Variants in ZNF536 observed in about 807,000 individuals in gnomAD.
The protein encoded by ZNF536 is zinc finger protein 536.
In ZNF536, 13 loss-of-function variants were observed where a neutral mutation model predicts 84.5. That is an observed-to-expected ratio of 0.15 (90% CI 0.10 to 0.24). The LOEUF (loss-of-function observed/expected upper bound fraction) is 0.24, where lower values mean the gene tolerates loss of function less well. ZNF536 is among the 10% of genes least tolerant of loss of function. The probability of loss-of-function intolerance (pLI) is 1.00; values close to 1 mark genes in which losing one functional copy is unlikely to be tolerated. For synonymous variants in ZNF536, 811 were observed against 742.5 expected, an observed-to-expected ratio of 1.09 and a Z score of -1.50; for missense variants, 1,536 against 1,747.5, an observed-to-expected ratio of 0.88 and a Z score of 2.16.
chr19:30,685,885 C>A (rs534002546), intron 1 of ZNF536, among the ~76,000 whole-genome samples: 2 of 152,126 alleles, frequency 1.3e-5, no homozygotes, highest in Non-Finnish European at 2.9e-5. Flanking sequence ...TTTCTTTGTT[C>A]GGAAGACAGG....
rs544531913 is a variant in ZNF536, at chr19:30,525,522, G to T, written c.2171-9325G>T. On this transcript the variant is annotated intron_variant, in intron 2 of 4. Transcript: ENST00000355537. Reference sequence around the variant, plus strand: ...CGGCAGGCCATAGTGCCTGGCCCCTGTTCTCCTGGAGCTGACATTCTAGGA... The same window carrying T: ...CGGCAGGCCATAGTGCCTGGCCCCTTTTCTCCTGGAGCTGACATTCTAGGA... Among the ~76,000 whole-genome samples, 41 of 152,330 alleles carry T rather than the reference G, an allele frequency of 2.7e-4. No homozygotes were observed. The South Asian group carries it at 3.9e-3, about 15-fold the overall frequency.
intron 1 of ZNF536, among the ~76,000 whole-genome samples, chr19:30,231,320 G>C (rs1310453381): frequency 3.3e-5 from 5 of 152,250 alleles, no homozygotes; most frequent in Non-Finnish European, 7.3e-5. Context: ...TGGAAGGACA[G>C]GGGTGGTCAG....
chr19:30,610,293 G>C (rs2048059093), intron 1 of ZNF536, among the ~76,000 whole-genome samples: 1 of 152,240 alleles, frequency 6.6e-6, no homozygotes, highest in Admixed American at 6.5e-5. Flanking sequence ...GGACAGGATA[G>C]GGTGTGACGG....
intron 2 of ZNF536, among the ~76,000 whole-genome samples, chr19:30,467,309 T>C (rs1222127203): frequency 6.6e-6 from 1 of 152,212 alleles, no homozygotes; most frequent in Non-Finnish European, 1.5e-5. Context: ...ACCACCCTTC[T>C]ACTTTCCATG....
intron 1 of ZNF536, among the ~76,000 whole-genome samples, chr19:30,706,968 G>A (rs918315863): frequency 2.2e-4 from 33 of 152,182 alleles, no homozygotes; most frequent in Non-Finnish European, 4.4e-5. Context: ...TGTTTGGGAT[G>A]ACCTTCAATT....
chr19:30,485,457 G>A (rs1406439624), intron 2 of ZNF536, among the ~76,000 whole-genome samples: 1 of 152,110 alleles, frequency 6.6e-6, no homozygotes, highest in Non-Finnish European at 1.5e-5. Flanking sequence ...GCAACTCCCA[G>A]CCCAAGACAA....
At chr19:30,393,217 C>A (rs1252948585) in intron 1 of ZNF536, among the ~76,000 whole-genome samples, 1 of 151,968 alleles carries the variant, frequency 6.6e-6, no homozygotes, top group African/African-American at 2.4e-5. Context: ...CAGTTTAATG[C>A]GGTAGGATGG....
At chr19:30,437,702 T>TG (rs906623584) in intron 1 of ZNF536, among the ~76,000 whole-genome samples, 18 of 151,980 alleles carry the variant, frequency 1.2e-4, no homozygotes, top group East Asian at 1.9e-4. Flanking sequence ...AGGTCAGGAC[T>TG]GGGGGGGAAT....
At chr19:30,523,729 C>A (rs1298684670) in intron 2 of ZNF536, among the ~76,000 whole-genome samples, 5 of 152,108 alleles carry the variant, frequency 3.3e-5, no homozygotes, top group Non-Finnish European at 7.4e-5. Flanking sequence ...GGCACCCTTC[C>A]CCTGTGCTGG....
chr19:30,663,388 A>T (rs943599983), intron 1 of ZNF536, among the ~76,000 whole-genome samples: 3 of 152,218 alleles, frequency 2.0e-5, no homozygotes, highest in African/African-American at 7.2e-5. Flanking sequence ...AGGATATGGT[A>T]TATGCATACA....
chr19:30,356,701 A>G (rs1412539109), intron 3 of ZNF536, among the ~76,000 whole-genome samples: 1 of 152,246 alleles, frequency 6.6e-6, no homozygotes, highest in East Asian at 1.9e-4. Flanking sequence ...AACCAAAATC[A>G]GAGATAATTT....
chr19:30,603,101 G>A (rs2146951242), intron 1 of ZNF536, among the ~76,000 whole-genome samples: 1 of 152,286 alleles, frequency 6.6e-6, no homozygotes, highest in South Asian at 2.1e-4. Context: ...CAGGAAGGCA[G>A]AATCATAATC....
At chr19:30,628,381 A>G (rs1013157594) in intron 1 of ZNF536, among the ~76,000 whole-genome samples, 3 of 151,728 alleles carry the variant, frequency 2.0e-5, no homozygotes, top group South Asian at 2.1e-4. Context: ...CGAGGAGGAC[A>G]GAAAACATAG....
intron 3 of ZNF536, among the ~76,000 whole-genome samples, chr19:30,359,659 G>A (rs1391070353): frequency 1.3e-5 from 2 of 152,096 alleles, no homozygotes; most frequent in African/African-American, 4.8e-5. Flanking sequence ...GGAGGGGATG[G>A]CCAAGTTCCA....
chr19:30,655,682 C>G (rs558481866), intron 1 of ZNF536, among the ~76,000 whole-genome samples: 1 of 152,112 alleles, frequency 6.6e-6, no homozygotes, highest in Non-Finnish European at 1.5e-5. Flanking sequence ...CAGATTTATC[C>G]AAGGGAGGAA....
intron 2 of ZNF536, among the ~76,000 whole-genome samples, chr19:30,446,937 T>C (rs2052380777): frequency 6.6e-6 from 1 of 152,096 alleles, no homozygotes; most frequent in Admixed American, 6.5e-5. Context: ...TACTAATGGA[T>C]AGTAAATTGA....
chr19:30,422,219 T>G (rs1600667395), intron 1 of ZNF536, among the ~76,000 whole-genome samples: 1 of 152,218 alleles, frequency 6.6e-6, no homozygotes, highest in East Asian at 1.9e-4. Context: ...GAGTTTAGGA[T>G]TTTAGGAAAC....
At chr19:30,466,729 G>C (rs2053418783) in intron 2 of ZNF536, among the ~76,000 whole-genome samples, 1 of 141,662 alleles carries the variant, frequency 7.1e-6, no homozygotes, top group East Asian at 2.1e-4. Flanking sequence ...AGGAAGGAAG[G>C]AGGGAGGGAG....
At chr19:30,428,271 C>T (rs2051300693) in intron 1 of ZNF536, among the ~76,000 whole-genome samples, 1 of 152,198 alleles carries the variant, frequency 6.6e-6, no homozygotes, top group Non-Finnish European at 1.5e-5. Context: ...GAGGCAGGAG[C>T]AGACGCAGGC....
Sources: allele counts gnomAD v4.1 joint callset (sites outside exome capture counted in the v4.1 genomes callset), GRCh38; gene constraint gnomAD v4.1.1; transcripts MANE v1.5; gene names NCBI Gene and HGNC (gene_info 2026-07-23, HGNC 2026-07-21).